The following POTEM variants were observed in gnomAD, a reference collection of about 807,000 sequenced individuals.
POTEM encodes POTE ankyrin domain family member M, also known as putative POTE ankyrin domain family member M.
For synonymous variants in POTEM, 8 were observed against 113.2 expected (o/e 0.07, Z 5.90); for missense variants, 24 against 343.0 (o/e 0.07, Z 7.35).
At chr14:18,973,426 CT>C (rs1223078634) in intron 3 of POTEM, among the ~76,000 whole-genome samples, 13 of 37,318 alleles carry the variant, frequency 3.5e-4, no homozygotes, top group African/African-American at 1.0e-3. Flanking sequence ...GCGGTAAATA[CT>C]TTTTTTTGAA....
chr14:18,968,648 G>T (rs1446204601), intron 1 of POTEM, among the ~76,000 whole-genome samples: 1 of 145,668 alleles, frequency 6.9e-6, no homozygotes, highest in Non-Finnish European at 1.5e-5. Flanking sequence ...GTGAAACCCC[G>T]TCTCTACTAA....
intron 1 of POTEM, among the ~76,000 whole-genome samples, chr14:18,969,353 A>ATG (rs1491189147): frequency 0.17 from 14,226 of 84,196 alleles, 40 homozygotes; most frequent in Non-Finnish European, 0.22. Flanking sequence ...ATATATATAC[A>ATG]TGTGTATATA....
intron 9 of POTEM, among the ~76,000 whole-genome samples, chr14:18,996,573 G>C (rs1445735904): frequency 4.9e-5 from 6 of 122,886 alleles, no homozygotes; most frequent in Admixed American, 1.9e-4. Context: ...AGTGTGACCT[G>C]AACCCTGTTG....
At chr14:18,991,162 G>A (rs1461742200) in intron 9 of POTEM, among the ~76,000 whole-genome samples, 1 of 131,688 alleles carries the variant, frequency 7.6e-6, no homozygotes, top group Non-Finnish European at 1.7e-5. Context: ...GGGATTACAG[G>A]CATGAGCCAC....
At chr14:18,968,546 C>T (rs1221523286) in intron 1 of POTEM, among the ~76,000 whole-genome samples, 13 of 150,550 alleles carry the variant, frequency 8.6e-5, no homozygotes, top group Admixed American at 1.3e-4. Context: ...TTTGGCTGGG[C>T]GTGGTGGCTC....
At chr14:18,986,625 T>A (rs1891189255) in intron 7 of POTEM, among the ~76,000 whole-genome samples, 3 of 144,574 alleles carry the variant, frequency 2.1e-5, no homozygotes, top group Middle Eastern at 3.4e-3. Flanking sequence ...GTATATAATT[T>A]CAATTAAAAT....
chr14:18,968,480 G>T (rs1424734529), intron 1 of POTEM, among the ~76,000 whole-genome samples: 1 of 152,156 alleles, frequency 6.6e-6, no homozygotes, highest in African/African-American at 2.4e-5. Flanking sequence ...AACTGAAATG[G>T]GAAGATGGTT....
chr14:18,982,725 G>A (rs1256718085), intron 6 of POTEM, among the ~76,000 whole-genome samples: 3 of 78,690 alleles, frequency 3.8e-5, no homozygotes, highest in East Asian at 3.0e-4. Context: ...TCAATTACTC[G>A]TTTTAATATG....
chr14:18,981,833 C>T (rs1474590444), intron 6 of POTEM, among the ~76,000 whole-genome samples: 5 of 151,848 alleles, frequency 3.3e-5, no homozygotes, highest in Admixed American at 1.3e-4. Context: ...TTTAATACTA[C>T]AGAAATGAGT....
rs1446045557 is a variant in POTEM, at chr14:18,999,415, G to A, written c.*750G>A. 7.4e-5 allele frequency among the ~76,000 whole-genome samples: 10 copies of A among 134,438 alleles called. No homozygotes were observed. The highest frequency in any genetic ancestry group is 2.4e-4 in the South Asian group (1 of 4,180). The allele number at this position is 134,438 out of a possible 152,430, so 88.2% of individuals were successfully genotyped here. On this transcript the variant is annotated 3_prime_UTR_variant, in exon 11 of 11. Coordinates refer to ENST00000547889, the MANE Select transcript of POTEM (RefSeq NM_001145442.1). ...ACCCTGCGCCTAGACCTGGCTGGCCGGGAACTGACTGACTACCTCATGAAG... is the reference window on the plus strand; with the variant it reads ...ACCCTGCGCCTAGACCTGGCTGGCCAGGAACTGACTGACTACCTCATGAAG...
At position 18,968,805 on chromosome 14, in the gene POTEM, A is replaced by G. The variant is rs1890826557; in HGVS notation, c.521+799A>G. 2.0e-5 allele frequency among the ~76,000 whole-genome samples: 3 copies of G among 152,364 alleles called. No homozygotes were observed. In the South Asian group the frequency reaches 6.2e-4, roughly 32 times the overall value. On this transcript the variant is annotated intron_variant, in intron 1 of 10. Transcript: ENST00000547889. ...GCCACTGTACTCCAGCCTGGGAGAC[A>G]GAGCAAGACTCCGTCTCAAAAAAAA... is the stretch of plus-strand genomic sequence containing the variant.
intron 9 of POTEM, 43 bp from the exon 10 acceptor site, chr14:18,996,997 TG>T (rs1422078997): frequency 3.2e-6 from 2 of 618,038 alleles, no homozygotes; most frequent in Non-Finnish European, 6.0e-6. Context: ...TAGATCATTT[TG>T]GGGACACCTC....
At chr14:18,985,900 T>A (rs1891170730) in intron 7 of POTEM, among the ~76,000 whole-genome samples, 1 of 95,456 alleles carries the variant, frequency 1.0e-5, no homozygotes, top group Non-Finnish European at 2.0e-5. Flanking sequence ...CAAGACTCTG[T>A]GTCAAAAAAA....
intron 6 of POTEM, among the ~76,000 whole-genome samples, chr14:18,983,245 A>G (rs1891126993): frequency 7.5e-6 from 1 of 132,650 alleles, no homozygotes; most frequent in South Asian, 2.4e-4. Flanking sequence ...GTGGATGATA[A>G]ATGTCCATGT....
At chr14:18,985,903 CAAAAAAAAAAAA>C (rs1162516671) in intron 7 of POTEM, among the ~76,000 whole-genome samples, 3 of 68,974 alleles carry the variant, frequency 4.3e-5, no homozygotes, top group Admixed American at 1.8e-4. Context: ...GACTCTGTGT[CAAAAAAAAAAAA>C]AAAAAAAAAA....
In POTEM at chr14:18,993,012, T is replaced by G. The variant is rs1891263197; in HGVS notation, c.1410-4029T>G. Among the ~76,000 whole-genome samples, 2 of 68,266 alleles carry G rather than the reference T, an allele frequency of 2.9e-5. 1 individual carries two copies. Among genetic ancestry groups the G allele is most frequent in the African/African-American group, 1.5e-4 (2 of 13,756 alleles). 44.8% of individuals were successfully genotyped at this position (68,266 alleles called of 152,430 possible). ...CCTGGGTTCAAGTGATTCTCCTGCC[T>G]CAGCCACCTGAGGAGATGGGATTAC... On this transcript the variant is annotated intron_variant, in intron 9 of 10. Coordinates refer to ENST00000547889, the MANE Select transcript of POTEM (RefSeq NM_001145442.1).
rs1462594985 is a variant in POTEM at position 18,986,165 on chromosome 14, C to A, written c.1197+684C>A. Among the ~76,000 whole-genome samples, 39 of 145,150 alleles carry A rather than the reference C, an allele frequency of 2.7e-4. No homozygotes were observed. The South Asian group carries it at 8.5e-3, about 32-fold the overall frequency. On this transcript the variant is annotated intron_variant, in intron 7 of 10. Transcript: ENST00000547889. The stretch of plus-strand genomic sequence containing the variant: ...ACTTTGTTCTTTTATTTTTACAACA[C>A]CCTAACATGATGAAGAATGTAACAT...
intron 1 of POTEM, among the ~76,000 whole-genome samples, chr14:18,968,348 A>G (rs1399954478): frequency 1.3e-5 from 2 of 152,300 alleles, no homozygotes; most frequent in Admixed American, 6.5e-5. Context: ...ATTGAGAACT[A>G]AGAATGAAGC....
In POTEM at chr14:18,992,977, A is replaced by G. The variant is rs1891262930; in HGVS notation, c.1410-4064A>G. The stretch of plus-strand genomic sequence containing the variant: ...AGTGGCGTGACCTCGGCTCACTGCA[A>G]CCTCCGCCTCCTGGGTTCAAGTGAT... On this transcript the variant is annotated intron_variant, in intron 9 of 10. Transcript: ENST00000547889. Among the ~76,000 whole-genome samples the G allele has an allele frequency of 9.0e-5, 6 of 66,734 alleles. 3 individuals are homozygous for G. The highest frequency in any genetic ancestry group is 2.9e-4 in the Admixed American group (2 of 6,854). The allele number at this position is 66,734 out of a possible 152,430, so 43.8% of individuals were successfully genotyped here. A position where few individuals can be genotyped will look rare whatever the true frequency, so the allele number is the denominator to read the frequency against.
Sources: gnomAD v4.1 joint callset for allele counts (sites outside exome capture counted in the v4.1 genomes callset) on GRCh38, gnomAD v4.1.1 for gene constraint, MANE v1.5 for transcripts, NCBI Gene and HGNC (gene_info 2026-07-23, HGNC 2026-07-21) for gene names.